Variants in PTBP3 observed in about 807,000 individuals in gnomAD.
PTBP3 encodes polypyrimidine tract-binding protein 3.
A neutral mutation model predicts 58.7 loss-of-function variants in PTBP3; 20 were observed. The ratio of observed to expected loss-of-function variants is 0.34; its 90% CI spans 0.24 to 0.50. PTBP3 has a LOEUF of 0.50. PTBP3 is among the 20% of genes least tolerant of loss of function. The probability of loss-of-function intolerance (pLI) is 0.98; values close to 1 mark genes in which losing one functional copy is unlikely to be tolerated. For missense variants in PTBP3, 509 were observed against 637.2 expected, an observed-to-expected ratio of 0.80 and a Z score of 2.17; for synonymous variants, 185 against 219.8, an observed-to-expected ratio of 0.84 and a Z score of 1.40.
At chr9:112,257,351 T>C (rs890629925) in intron 5 of PTBP3, among the ~76,000 whole-genome samples, 4 of 152,170 alleles carry the variant, frequency 2.6e-5, no homozygotes, top group African/African-American at 9.7e-5. Flanking sequence ...AATAGCAAAT[T>C]TTAAACAGAT....
At chr9:112,339,846 G>A in the PTBP3 span, among the ~76,000 whole-genome samples, 1 of 152,112 alleles carries the variant, frequency 6.6e-6, no homozygotes, top group Non-Finnish European at 1.5e-5. Flanking sequence ...GATTACAGGT[G>A]TCAGACACCA....
chr9:112,323,084 CA>C (rs1009324076), intron 1 of PTBP3, among the ~76,000 whole-genome samples: 1 of 151,998 alleles, frequency 6.6e-6, no homozygotes, highest in African/African-American at 2.4e-5. Context: ...CCAGTCTCCA[CA>C]AAAAAAATTG....
At chr9:112,267,518 T>C (rs1463448747) in intron 4 of PTBP3, among the ~76,000 whole-genome samples, 1 of 152,224 alleles carries the variant, frequency 6.6e-6, no homozygotes, top group African/African-American at 2.4e-5. Flanking sequence ...ATTATTATAC[T>C]ATTTTTAACC....
chr9:112,227,251 T>C (rs185285589), intron 12 of PTBP3, among the ~76,000 whole-genome samples, 160 bp downstream of exon 12: 59 of 152,342 alleles, frequency 3.9e-4, no homozygotes, highest in Non-Finnish European at 7.3e-4. Context: ...GGATTGGAGA[T>C]AACCTTCTGA....
the PTBP3 span, among the ~76,000 whole-genome samples, chr9:112,357,172 G>A: frequency 2.6e-5 from 4 of 151,946 alleles, no homozygotes; most frequent in Non-Finnish European, 4.4e-5. Context: ...ATGAGCCACC[G>A]CACCCGGCCT....
At chr9:112,333,985 C>T (rs1391834548), upstream of PTBP3, among the ~76,000 whole-genome samples, 1 of 151,622 alleles carries the variant, frequency 6.6e-6, no homozygotes, top group Non-Finnish European at 1.5e-5. Flanking sequence ...CAGACCGGGC[C>T]TGCCAGGTTT....
At chr9:112,231,287 G>T in intron 10 of PTBP3, 93 bp downstream of exon 10, 1 of 981,556 alleles carries the variant, frequency 1.0e-6, no homozygotes, top group Non-Finnish European at 1.5e-6. Context: ...ACAATACTTG[G>T]CACACAGAAG....
chr9:112,368,765 C>T, the PTBP3 span, among the ~76,000 whole-genome samples: 1,404 of 152,250 alleles, frequency 9.2e-3, 29 homozygotes, highest in South Asian at 0.077. Flanking sequence ...GCATAAGTAA[C>T]GAGGAGCCAA....
At chr9:112,244,271 C>A (rs184118028) in intron 7 of PTBP3, among the ~76,000 whole-genome samples, 16 of 48,266 alleles carry the variant, frequency 3.3e-4, no homozygotes, top group African/African-American at 1.0e-3. Context: ...GCCTGGGCAA[C>A]AGAGTGAGAC....
At chr9:112,311,898 A>C (rs1829495407) in intron 1 of PTBP3, among the ~76,000 whole-genome samples, 1 of 152,178 alleles carries the variant, frequency 6.6e-6, no homozygotes, top group Non-Finnish European at 1.5e-5. Flanking sequence ...GCAGTGCTCT[A>C]GGATCGTGCC....
chr9:112,335,433 C>T (rs1830560216), upstream of PTBP3, among the ~76,000 whole-genome samples: 1 of 151,434 alleles, frequency 6.6e-6, no homozygotes, highest in South Asian at 2.1e-4. Flanking sequence ...TTACAGGCGC[C>T]CGCCACCACG....
upstream of PTBP3, among the ~76,000 whole-genome samples, chr9:112,338,216 G>A (rs1430814119): frequency 2.0e-5 from 3 of 152,152 alleles, no homozygotes; most frequent in East Asian, 1.9e-4. Flanking sequence ...GAGTAAGAAC[G>A]GGGATATTTG....
At chr9:112,261,655 T>G (rs1836600579) in intron 5 of PTBP3, among the ~76,000 whole-genome samples, 2 of 152,218 alleles carry the variant, frequency 1.3e-5, no homozygotes, top group Admixed American at 1.3e-4. Flanking sequence ...GACTAAATTT[T>G]GGGGCTATAT....
At chr9:112,352,309 T>A in the PTBP3 span, among the ~76,000 whole-genome samples, 1,571 of 152,130 alleles carry the variant, frequency 0.01, 15 homozygotes, top group African/African-American at 0.028. Context: ...TTACAGTTTT[T>A]TAAATTTTTT....
the PTBP3 span, chr9:112,362,899 G>T: frequency 3.3e-6 from 1 of 301,272 alleles, no homozygotes; most frequent in Non-Finnish European, 6.4e-6. Flanking sequence ...GAGAAGCAAT[G>T]AAAACACAAA....
intron 1 of PTBP3, among the ~76,000 whole-genome samples, chr9:112,317,671 G>A (rs747920231): frequency 3.9e-5 from 6 of 151,930 alleles, no homozygotes; most frequent in African/African-American, 7.3e-5. Flanking sequence ...ATTATGGGCC[G>A]GGCACAGTGG....
At chr9:112,227,290 C>G in intron 12 of PTBP3, 121 bp downstream of exon 12, 1 of 977,176 alleles carries the variant, frequency 1.0e-6, no homozygotes, top group African/African-American at 1.6e-5. Context: ...ATTGTCTTAT[C>G]AGAAACTGTT....
chr9:112,349,863 C>CAAAAAAAAAAAAAAA, the PTBP3 span, among the ~76,000 whole-genome samples: 25 of 49,698 alleles, frequency 5.0e-4, 2 homozygotes, highest in African/African-American at 2.0e-3. Flanking sequence ...GACTCTGTCT[C>CAAAAAAAAAAAAAAA]AAAAAAAAAA....
the PTBP3 span, among the ~76,000 whole-genome samples, chr9:112,377,940 C>A: frequency 6.6e-6 from 1 of 152,208 alleles, no homozygotes. Context: ...ACTATTACTG[C>A]CTTAGTTCAG....
Sources: gnomAD v4.1 joint callset for allele counts (sites outside exome capture counted in the v4.1 genomes callset) on GRCh38, gnomAD v4.1.1 for gene constraint, MANE v1.5 for transcripts, NCBI Gene and HGNC (gene_info 2026-07-23, HGNC 2026-07-21) for gene names.